The following SGCG variants were observed in gnomAD, a reference collection of about 807,000 sequenced individuals.
The protein encoded by SGCG is sarcoglycan gamma.
SGCG carries 26 observed loss-of-function variants against 29.3 expected under a neutral mutation model. The ratio of observed to expected loss-of-function variants is 0.89; its 90% CI spans 0.65 to 1.23. The LOEUF (loss-of-function observed/expected upper bound fraction) is 1.23. Among genes scored for constraint, SGCG ranks in the 50% most tolerant of loss-of-function variants. The pLI, the probability that SGCG is intolerant of heterozygous loss-of-function variation, is 0.00. For missense variants in SGCG, 353 were observed against 356.0 expected, an observed-to-expected ratio of 0.99 and a Z score of 0.07; for synonymous variants, 145 against 129.7, an observed-to-expected ratio of 1.12 and a Z score of -0.80.
At chr13:23,189,049 T>A (rs541935372) in intron 1 of SGCG, among the ~76,000 whole-genome samples, 12 of 152,346 alleles carry the variant, frequency 7.9e-5, no homozygotes, top group African/African-American at 2.6e-4. Flanking sequence ...ATCTCTGCCA[T>A]TCTTCCTAGG....
At chr13:23,311,977 A>G (rs1882615934) in intron 6 of SGCG, among the ~76,000 whole-genome samples, 1 of 151,750 alleles carries the variant, frequency 6.6e-6, no homozygotes, top group African/African-American at 2.4e-5. Flanking sequence ...CTTTTTTGCA[A>G]CCTTATAGAA....
intron 4 of SGCG, chr13:23,267,411 A>G (rs556260156): frequency 6.6e-6 from 1 of 152,386 alleles, no homozygotes; most frequent in African/African-American, 2.4e-5. Context: ...TGTAGCACAC[A>G]TTGGTCACTG....
chr13:23,307,045 CAG>C (rs1227214880), intron 6 of SGCG, among the ~76,000 whole-genome samples: 3 of 152,278 alleles, frequency 2.0e-5, no homozygotes, highest in Admixed American at 6.5e-5. Context: ...TTTAGCTAAA[CAG>C]AACTTTTTAA....
At chr13:23,268,737 A>C (rs1880740787) in intron 4 of SGCG, 1 of 152,644 alleles carries the variant, frequency 6.6e-6, no homozygotes. Context: ...CCTCAGCACC[A>C]GTTGCCTTCT....
intron 1 of SGCG, among the ~76,000 whole-genome samples, chr13:23,189,075 G>A (rs1253599004): frequency 2.6e-5 from 4 of 152,174 alleles, no homozygotes; most frequent in Admixed American, 1.3e-4. Flanking sequence ...GAGAGATGAC[G>A]GGCGGTCATC....
chr13:23,185,406 G>T (rs1463868023), intron 1 of SGCG, among the ~76,000 whole-genome samples: 1 of 152,146 alleles, frequency 6.6e-6, no homozygotes, highest in Non-Finnish European at 1.5e-5. Context: ...TGGCCAGAAT[G>T]GTCTCGATCT....
At chr13:23,231,108 A>G (rs1476326461) in intron 2 of SGCG, among the ~76,000 whole-genome samples, 1 of 152,198 alleles carries the variant, frequency 6.6e-6, no homozygotes. Context: ...GCATATGTTA[A>G]AGCAACCTTG....
chr13:23,292,158 A>G (rs1046144452), intron 5 of SGCG, among the ~76,000 whole-genome samples: 4 of 147,630 alleles, frequency 2.7e-5, no homozygotes, highest in African/African-American at 1.0e-4. Context: ...TGTCCAGGCT[A>G]GAGTGCAATG....
intron 6 of SGCG, among the ~76,000 whole-genome samples, chr13:23,297,452 T>C (rs1045010001): frequency 6.6e-6 from 1 of 152,186 alleles, no homozygotes; most frequent in Admixed American, 6.5e-5. Flanking sequence ...GCATGGTTTC[T>C]ATAGATATTA....
At chr13:23,307,848 A>G (rs1173479487) in intron 6 of SGCG, among the ~76,000 whole-genome samples, 3 of 152,224 alleles carry the variant, frequency 2.0e-5, no homozygotes, top group African/African-American at 7.2e-5. Context: ...TATTGTGTAA[A>G]TACAACTACA....
chr13:23,300,629 G>A (rs1882116585), intron 6 of SGCG, among the ~76,000 whole-genome samples: 1 of 151,940 alleles, frequency 6.6e-6, no homozygotes, highest in Non-Finnish European at 1.5e-5. Flanking sequence ...AGAAGCAAAC[G>A]CATACTACTT....
At chr13:23,295,340 C>G in intron 5 of SGCG, 75 bp from the exon 6 acceptor site, 1 of 1,170,378 alleles carries the variant, frequency 8.5e-7, no homozygotes. Flanking sequence ...TCTTTAATAT[C>G]TAGGCTAAAT....
chr13:23,173,144 A>G, the SGCG span, among the ~76,000 whole-genome samples: 3 of 152,174 alleles, frequency 2.0e-5, no homozygotes, highest in Non-Finnish European at 2.9e-5. Context: ...TGGACTCCTA[A>G]TGTTACATTC....
intron 2 of SGCG, among the ~76,000 whole-genome samples, chr13:23,213,735 A>G (rs556008454): frequency 2.0e-5 from 3 of 151,422 alleles, no homozygotes; most frequent in Non-Finnish European, 4.4e-5. Context: ...TCATATTTTT[A>G]GTGACTAGTG....
At chr13:23,292,390 G>A (rs774004234) in intron 5 of SGCG, among the ~76,000 whole-genome samples, 11 of 152,152 alleles carry the variant, frequency 7.2e-5, no homozygotes, top group Non-Finnish European at 1.2e-4. Context: ...GATTACCGGC[G>A]TGAGCCACTG....
intron 3 of SGCG, among the ~76,000 whole-genome samples, chr13:23,238,454 TCA>T (rs1879390536): frequency 6.6e-6 from 1 of 152,118 alleles, no homozygotes; most frequent in African/African-American, 2.4e-5. Context: ...TGCCTGGAGC[TCA>T]CACAGGGTGG....
At chr13:23,256,179 G>C (rs1248136374) in intron 4 of SGCG, among the ~76,000 whole-genome samples, 4 of 151,892 alleles carry the variant, frequency 2.6e-5, no homozygotes, top group African/African-American at 9.7e-5. Context: ...AGAAGAAATA[G>C]TTACCCAAAT....
At chr13:23,320,513 G>A (rs1172001735) in intron 6 of SGCG, 124 bp from the exon 7 acceptor site, 3 of 790,204 alleles carry the variant, frequency 3.8e-6, no homozygotes, top group Admixed American at 4.5e-5. Flanking sequence ...GTTACCATTT[G>A]AGAATGACTT....
chr13:23,248,908 G>A (rs4770419), intron 3 of SGCG, among the ~76,000 whole-genome samples: 102,173 of 148,044 alleles, frequency 0.69, 35,615 homozygotes, highest in East Asian at 0.9. Context: ...GGAGAATGGC[G>A]TGAACCCGGG....
Sources: allele counts gnomAD v4.1 joint callset (sites outside exome capture counted in the v4.1 genomes callset), GRCh38; gene constraint gnomAD v4.1.1; transcripts MANE v1.5; gene names NCBI Gene and HGNC (gene_info 2026-07-23, HGNC 2026-07-21).